The following TRDN variants were observed in gnomAD, a reference collection of about 807,000 sequenced individuals.
TRDN encodes the protein triadin in skeletal muscle.
A neutral mutation model predicts 149.7 loss-of-function variants in TRDN; 161 were observed. The ratio of observed to expected loss-of-function variants is 1.08; its 90% CI spans 0.95 to 1.23. TRDN has a LOEUF of 1.23. Ranked by LOEUF, TRDN falls within the 50% of genes most tolerant of loss-of-function variation. TRDN has a pLI of 0.00. For synonymous variants in TRDN, 294 were observed against 250.5 expected, an observed-to-expected ratio of 1.17 and a Z score of -1.64; for missense variants, 896 against 823.5, an observed-to-expected ratio of 1.09 and a Z score of -1.08.
intron 35 of TRDN, among the ~76,000 whole-genome samples, chr6:123,256,168 G>A (rs933318858): frequency 5.3e-5 from 8 of 151,958 alleles, no homozygotes; most frequent in Non-Finnish European, 1.2e-4. Context: ...CAACTCCCAC[G>A]TTTGAGTGAG....
At position 123,365,727 on chromosome 6, in the gene TRDN, A is replaced by G. The variant is rs187776166; in HGVS notation, c.1321+408T>C. On this transcript the variant is annotated intron_variant, in intron 20 of 40. Transcript: ENST00000334268. Reference sequence around the variant, plus strand: ...GTCAGCATCTCACCTAATACATTTCATAATTTTATACTATTCTTGAACAAA... The same window carrying G: ...GTCAGCATCTCACCTAATACATTTCGTAATTTTATACTATTCTTGAACAAA... 2.6e-5 allele frequency among the ~76,000 whole-genome samples: 4 copies of G among 152,298 alleles called. No individual in the cohort carries two copies. The East Asian group carries it at 7.7e-4, about 29-fold the overall frequency.
At chr6:123,592,722 C>T (rs942329526) in intron 1 of TRDN, among the ~76,000 whole-genome samples, 1 of 152,172 alleles carries the variant, frequency 6.6e-6, no homozygotes. Context: ...CAAGCCATAG[C>T]TGATTCAGTA....
At chr6:123,620,189 T>A (rs1785309795) in intron 1 of TRDN, among the ~76,000 whole-genome samples, 1 of 152,176 alleles carries the variant, frequency 6.6e-6, no homozygotes, top group Admixed American at 6.5e-5. Context: ...AAAGTCTATA[T>A]GTAGTTAACT....
intron 12 of TRDN, among the ~76,000 whole-genome samples, chr6:123,430,520 T>C (rs901670863): frequency 2.0e-5 from 3 of 151,884 alleles, no homozygotes; most frequent in African/African-American, 4.8e-5. Context: ...AGGCGGAGGT[T>C]GCAGTAAGCC....
intron 21 of TRDN, among the ~76,000 whole-genome samples, chr6:123,344,737 C>T (rs1478312311): frequency 6.6e-6 from 1 of 151,938 alleles, no homozygotes; most frequent in Non-Finnish European, 1.5e-5. Flanking sequence ...CTGATATAAA[C>T]ATTTGTGTGC....
chr6:123,243,401 A>G (rs1205353348), intron 38 of TRDN, among the ~76,000 whole-genome samples: 1 of 152,200 alleles, frequency 6.6e-6, no homozygotes, highest in East Asian at 1.9e-4. Flanking sequence ...CTACAAAGAA[A>G]TACAATAATT....
At chr6:123,424,189 A>T (rs1237041290) in intron 12 of TRDN, among the ~76,000 whole-genome samples, 2 of 152,130 alleles carry the variant, frequency 1.3e-5, no homozygotes, top group Non-Finnish European at 2.9e-5. Context: ...ACATATGGAA[A>T]CTTTATGCCT....
chr6:123,572,036 A>G (rs1385735566), intron 1 of TRDN, among the ~76,000 whole-genome samples: 1 of 152,164 alleles, frequency 6.6e-6, no homozygotes, highest in African/African-American at 2.4e-5. Flanking sequence ...TTGAGAATAC[A>G]TGCACGTATT....
At chr6:123,477,587 G>T (rs907357978) in intron 9 of TRDN, among the ~76,000 whole-genome samples, 7 of 150,884 alleles carry the variant, frequency 4.6e-5, no homozygotes, top group Admixed American at 1.3e-4. Context: ...TATAAATCAT[G>T]CTGCTATAAA....
intron 1 of TRDN, among the ~76,000 whole-genome samples, chr6:123,628,935 G>A (rs1425882316): frequency 6.6e-6 from 1 of 152,066 alleles, no homozygotes; most frequent in Non-Finnish European, 1.5e-5. Flanking sequence ...TCAGATGGAG[G>A]TAACTTGCCT....
At chr6:123,351,326 G>C (rs781121932) in intron 21 of TRDN, 21 of 955,728 alleles carry the variant, frequency 2.2e-5, no homozygotes, top group Non-Finnish European at 2.4e-5. Context: ...GGGCAGATCA[G>C]GGATAATTAC....
At chr6:123,458,101 A>T (rs7771010) in intron 10 of TRDN, among the ~76,000 whole-genome samples, 5,807 of 152,310 alleles carry the variant, frequency 0.038, 331 homozygotes, top group African/African-American at 0.12. Context: ...AGTCAAGAGT[A>T]GATGAGCATA....
intron 38 of TRDN, among the ~76,000 whole-genome samples, chr6:123,228,404 C>T (rs564070738): frequency 3.3e-5 from 5 of 152,040 alleles, no homozygotes; most frequent in African/African-American, 9.6e-5. Context: ...AATTGACTCA[C>T]ATTTCAGCCT....
intron 21 of TRDN, among the ~76,000 whole-genome samples, chr6:123,346,610 GTCTCT>G (rs1340853872): frequency 1.3e-5 from 2 of 151,956 alleles, no homozygotes; most frequent in African/African-American, 4.8e-5. Context: ...ATGACAGAGT[GTCTCT>G]CCTGTGGATA....
At chr6:123,372,293 G>A (rs1208647962) in intron 19 of TRDN, among the ~76,000 whole-genome samples, 3 of 152,040 alleles carry the variant, frequency 2.0e-5, no homozygotes, top group Non-Finnish European at 4.4e-5. Context: ...TCTCCTAAAT[G>A]ATCTTGACAT....
At chr6:123,238,279 A>G (rs1775860108) in intron 38 of TRDN, among the ~76,000 whole-genome samples, 1 of 152,174 alleles carries the variant, frequency 6.6e-6, no homozygotes, top group Non-Finnish European at 1.5e-5. Flanking sequence ...AATAAAATTC[A>G]CATATTCAGG....
chr6:123,219,531 G>C (rs757910466), intron 40 of TRDN, among the ~76,000 whole-genome samples: 8 of 151,756 alleles, frequency 5.3e-5, no homozygotes, highest in Non-Finnish European at 1.2e-4. Flanking sequence ...TGGTGTGTGG[G>C]AGATAAAGAA....
chr6:123,252,575 G>C, intron 37 of TRDN, 140 bp from the exon 38 acceptor site: 1 of 472,336 alleles, frequency 2.1e-6, no homozygotes. Flanking sequence ...ACAGTCATCT[G>C]TTGCCTGTCA....
chr6:123,574,622 A>G (rs1178480410), intron 1 of TRDN, among the ~76,000 whole-genome samples: 2 of 151,748 alleles, frequency 1.3e-5, no homozygotes, highest in East Asian at 3.9e-4. Context: ...TTTTTTAACC[A>G]CTGGAAGCCT....
Sources: gnomAD v4.1 joint callset for allele counts (sites outside exome capture counted in the v4.1 genomes callset) on GRCh38, gnomAD v4.1.1 for gene constraint, MANE v1.5 for transcripts, NCBI Gene and HGNC (gene_info 2026-07-23, HGNC 2026-07-21) for gene names.